RANBP2: variants seen among roughly 807,000 people sequenced by gnomAD.
RANBP2 encodes the protein E3 SUMO-protein ligase RanBP2.
Under a neutral mutation model 303.6 loss-of-function variants are expected in RANBP2, and 57 were observed. That is an observed-to-expected ratio of 0.19 (90% confidence interval 0.15 to 0.23). The LOEUF (loss-of-function observed/expected upper bound fraction) is 0.23. Ranked by LOEUF, RANBP2 falls within the 10% of genes least tolerant of loss-of-function variation. RANBP2 has a pLI of 1.00. For synonymous variants in RANBP2, 1,167 were observed against 1,301.5 expected (o/e 0.90, Z 2.23); for missense variants, 3,138 against 3,780.8 (o/e 0.83, Z 4.46).
chr2:108,773,427 T>C (rs1429716965), intron 23 of RANBP2, among the ~76,000 whole-genome samples: 1 of 152,056 alleles, frequency 6.6e-6, no homozygotes, highest in Non-Finnish European at 1.5e-5. Context: ...GGTTTAAGGG[T>C]CTAGACTAAT....
chr2:108,813,451 A>G, the RANBP2 span, among the ~76,000 whole-genome samples: 2 of 152,072 alleles, frequency 1.3e-5, no homozygotes, highest in Admixed American at 6.6e-5. Context: ...AAACAAAACT[A>G]TTATATTTCA....
chr2:109,247,848 C>T, the RANBP2 span, among the ~76,000 whole-genome samples: 1 of 152,298 alleles, frequency 6.6e-6, no homozygotes, highest in South Asian at 2.1e-4. Context: ...GGTTCCTCTC[C>T]ACATGGTCTC....
At chr2:108,909,036 G>T in the RANBP2 span, among the ~76,000 whole-genome samples, 1 of 152,134 alleles carries the variant, frequency 6.6e-6, no homozygotes, top group Non-Finnish European at 1.5e-5. Flanking sequence ...TGAGACCTAA[G>T]GACAAACAGC....
At chr2:108,917,719 C>T in the RANBP2 span, among the ~76,000 whole-genome samples, 1 of 152,018 alleles carries the variant, frequency 6.6e-6, no homozygotes, top group South Asian at 2.1e-4. Context: ...GTGAGGTCAG[C>T]CCCCCACACA....
At chr2:108,848,490 G>A in the RANBP2 span, among the ~76,000 whole-genome samples, 17 of 152,318 alleles carry the variant, frequency 1.1e-4, no homozygotes, top group African/African-American at 2.6e-4. Flanking sequence ...ATAGGTTGAT[G>A]AAGATTATTG....
chr2:108,857,816 T>A, the RANBP2 span, among the ~76,000 whole-genome samples: 1 of 152,184 alleles, frequency 6.6e-6, no homozygotes, highest in Non-Finnish European at 1.5e-5. Flanking sequence ...TTTCTTTTAA[T>A]GAGAAAAACA....
At chr2:108,980,615 G>A in the RANBP2 span, among the ~76,000 whole-genome samples, 18 of 152,256 alleles carry the variant, frequency 1.2e-4, no homozygotes, top group Middle Eastern at 3.4e-3. Context: ...GTCCAGGGGT[G>A]GGAGCTGCTG....
At chr2:109,252,011 G>C in the RANBP2 span, among the ~76,000 whole-genome samples, 1 of 152,118 alleles carries the variant, frequency 6.6e-6, no homozygotes, top group African/African-American at 2.4e-5. Context: ...GGGAGGCCAA[G>C]GTAGGAGGAT....
At chr2:109,397,370 G>T in the RANBP2 span, among the ~76,000 whole-genome samples, 1 of 152,234 alleles carries the variant, frequency 6.6e-6, no homozygotes, top group Admixed American at 6.5e-5. Flanking sequence ...GATGGCATTT[G>T]CCTAACCCAG....
the RANBP2 span, among the ~76,000 whole-genome samples, chr2:109,121,384 A>C: frequency 6.6e-6 from 1 of 152,234 alleles, no homozygotes; most frequent in East Asian, 1.9e-4. Flanking sequence ...GGAATAAAAA[A>C]AATCCTTCAC....
chr2:109,115,304 C>G, the RANBP2 span, among the ~76,000 whole-genome samples: 2 of 152,144 alleles, frequency 1.3e-5, no homozygotes, highest in African/African-American at 4.8e-5. Context: ...CTTTATGAAA[C>G]TGGGTGCTCC....
chr2:108,981,954 G>A, the RANBP2 span, among the ~76,000 whole-genome samples: 2 of 152,222 alleles, frequency 1.3e-5, no homozygotes, highest in Admixed American at 6.5e-5. Flanking sequence ...AATACCTACT[G>A]TGTGCAGCCA....
chr2:108,994,813 TATATATATATATATATC>T, the RANBP2 span, among the ~76,000 whole-genome samples: 14 of 26,884 alleles, frequency 5.2e-4, no homozygotes, highest in Non-Finnish European at 8.7e-4. Context: ...TATATATATA[TATATATATATATATATC>T]TTTTTTTTTT....
At chr2:109,051,496 C>T in the RANBP2 span, among the ~76,000 whole-genome samples, 1 of 152,318 alleles carries the variant, frequency 6.6e-6, no homozygotes, top group South Asian at 2.1e-4. Context: ...ATAGAGTCGT[C>T]CGCAATGTGC....
At position 108,763,851 on chromosome 2, in the gene RANBP2, A is replaced by T; in HGVS notation, c.3312A>T (p.Lys1104Asn). Residue 1104 changes from lysine (K) to asparagine (N), a missense_variant, in exon 20 of 29, where the codon AAA (lysine) becomes AAT (asparagine). By Grantham distance (94) the Lys-to-Asn change is moderately conservative. Coordinates refer to ENST00000283195, the MANE Select transcript of RANBP2 (RefSeq NM_006267.5). ...GPRNTFNFGSKNVSGISFTEN... is the reference protein window; with the variant it reads ...GPRNTFNFGSNNVSGISFTEN... ...GAAATACATTCAATTTTGGAAGCAAAAATGTGTCTGGAATTTCATTTACAG... is the reference window on the plus strand; with the variant it reads ...GAAATACATTCAATTTTGGAAGCAATAATGTGTCTGGAATTTCATTTACAG... 1 of 1,614,082 alleles carries T rather than the reference A, an allele frequency of 6.2e-7. No individual in the cohort carries two copies. Among genetic ancestry groups the T allele is most frequent in the Non-Finnish European group, 8.5e-7 (1 of 1,179,994 alleles).
the RANBP2 span, among the ~76,000 whole-genome samples, chr2:109,225,145 C>T: frequency 6.6e-6 from 1 of 152,140 alleles, no homozygotes; most frequent in Non-Finnish European, 1.5e-5. Context: ...CCTCAGTTTC[C>T]TCTTGTGTAA....
At chr2:109,726,263 C>T in the RANBP2 span, among the ~76,000 whole-genome samples, 2 of 151,786 alleles carry the variant, frequency 1.3e-5, no homozygotes, top group Non-Finnish European at 1.5e-5. Flanking sequence ...ACAAGAGTAG[C>T]GGGGTGTGGT....
chr2:108,795,317 G>C, the RANBP2 span, among the ~76,000 whole-genome samples: 1 of 151,898 alleles, frequency 6.6e-6, no homozygotes, highest in East Asian at 1.9e-4. Context: ...ATCCCGCCCA[G>C]CCAATTTTTT....
chr2:109,236,594 G>A, the RANBP2 span, among the ~76,000 whole-genome samples: 1 of 152,162 alleles, frequency 6.6e-6, no homozygotes, highest in Non-Finnish European at 1.5e-5. Flanking sequence ...GCTTTATTTT[G>A]TTGAGAAACA....
Sources: gnomAD v4.1 joint callset for allele counts (sites outside exome capture counted in the v4.1 genomes callset) on GRCh38, gnomAD v4.1.1 for gene constraint, MANE v1.5 for transcripts, NCBI Gene and HGNC (gene_info 2026-07-23, HGNC 2026-07-21) for gene names.